ODAM: variants seen among roughly 807,000 people sequenced by gnomAD.
The protein encoded by ODAM is odontogenic ameloblast-associated protein.
In ODAM, 55 loss-of-function variants were observed where a neutral mutation model predicts 48.5. That is an observed-to-expected ratio of 1.13 (90% confidence interval 0.91 to 1.42). The LOEUF (loss-of-function observed/expected upper bound fraction) is 1.42, where lower values mean the gene tolerates loss of function less well. Among genes scored for constraint, ODAM ranks in the 40% most tolerant of loss-of-function variants. The pLI, the probability that ODAM is intolerant of heterozygous loss-of-function variation, is 0.00. For missense variants in ODAM, 353 were observed against 323.6 expected (o/e 1.09, Z -0.70); for synonymous variants, 127 against 107.8 (o/e 1.18, Z -1.10).
chr4:70,197,824 T>C lies in ODAM; in HGVS notation c.142-100T>C, dbSNP rs1729404904. On this transcript the variant is annotated intron_variant, in intron 4 of 11. Coordinates refer to ENST00000683306, the MANE Select transcript of ODAM (RefSeq NM_017855.4). ...TTTTTATGTTGCAACATTGGAACTA[T>C]AGAAATTGTTTGTATTTTGCCTCTT... 6 of 841,098 alleles carry C rather than the reference T, an allele frequency of 7.1e-6. No individual in the cohort carries two copies. The East Asian group carries it at 1.0e-4, about 14-fold the overall frequency. 52.1% of individuals were successfully genotyped at this position (841,098 alleles called of 1,614,324 possible). A position where few individuals can be genotyped will look rare whatever the true frequency, so the allele number is the denominator to read the frequency against.
At chr4:70,201,317 A>T in intron 7 of ODAM, 137 bp from the exon 8 acceptor site, 1 of 509,550 alleles carries the variant, frequency 2.0e-6, no homozygotes, top group South Asian at 3.1e-5. Context: ...ATTAATTTTT[A>T]GTTACTGGAA....
rs2671465 is a variant in ODAM, at chr4:70,203,951, G to A, written c.*30-224G>A. On this transcript the variant is annotated intron_variant, in intron 11 of 11. Coordinates refer to ENST00000683306, the MANE Select transcript of ODAM (RefSeq NM_017855.4). ...AGTGAACAGTAATAATACCTCTTTA[G>A]GAAAGCCTCCTTACTAATGTACTAT... 7.9e-5 allele frequency among the ~76,000 whole-genome samples: 12 copies of A among 151,832 alleles called. No individual in the cohort carries two copies. In the East Asian group the frequency reaches 2.3e-3, roughly 29 times the overall value.
At chr4:70,199,309 C>T (rs1729447559) in intron 6 of ODAM, among the ~76,000 whole-genome samples, 1 of 151,906 alleles carries the variant, frequency 6.6e-6, no homozygotes, top group Admixed American at 6.6e-5. Context: ...AGAATATTGG[C>T]CTTTTCATAA....
rs1205372528 is a variant in ODAM, at chr4:70,204,256, GAAATATCTTGACTCTTCTCCT to G, written c.*116_*136del. 6.6e-6 allele frequency: 1 copy of G among 151,882 alleles called. No individual in the cohort carries two copies. The highest frequency in any genetic ancestry group is 1.5e-5 in the Non-Finnish European group (1 of 67,954). The allele number at this position is 151,882 out of a possible 1,614,324, so 9.4% of individuals were successfully genotyped here. ...CTAGTATCAGTTCTTTGGAATACAT[GAAATATCTTGACTCTTCTCCT>G]AAATTTGTTTTTACTTATACATGTT... On this transcript the variant is annotated 3_prime_UTR_variant, in exon 12 of 12. Coordinates refer to ENST00000683306, the MANE Select transcript of ODAM (RefSeq NM_017855.4).
chr4:70,196,945 C>T (rs575100805), intron 3 of ODAM, among the ~76,000 whole-genome samples: 5 of 152,014 alleles, frequency 3.3e-5, no homozygotes, highest in Non-Finnish European at 5.9e-5. Flanking sequence ...TCTTCAAAGG[C>T]GGATACAATA....
In ODAM at chr4:70,202,895, C is replaced by A. The variant is rs927313202; in HGVS notation, c.788C>A (p.Thr263Asn). The change falls in exon 10 of 12, where the codon ACC (threonine) becomes AAC (asparagine). Residue 263 changes from threonine to asparagine, a missense_variant. Thr to Asn is a moderately conservative substitution (Grantham distance 65). Transcript: ENST00000683306. ...VFTSAVDQTI[T>N]PELPEEKDKT... ...ACTTCTGCTGTAGACCAAACTATTACCCCAGAGCTCCCAGAAGAGAAGGTA... is the reference window on the plus strand; with the variant it reads ...ACTTCTGCTGTAGACCAAACTATTAACCCAGAGCTCCCAGAAGAGAAGGTA... 5.0e-6 allele frequency: 8 copies of A among 1,610,558 alleles called. No homozygotes were observed. The African/African-American group carries it at 5.4e-5, about 11-fold the overall frequency.
intron 10 of ODAM, 118 bp from the exon 11 acceptor site, chr4:70,203,038 A>C (rs1442508785): frequency 2.0e-5 from 26 of 1,300,910 alleles, no homozygotes; most frequent in African/African-American, 3.0e-5. Flanking sequence ...CTAATGAAAA[A>C]TATGTGGTCT....
intron 9 of ODAM, 90 bp downstream of exon 9, chr4:70,202,419 G>T (rs1729520196): frequency 4.8e-6 from 5 of 1,051,110 alleles, no homozygotes; most frequent in Non-Finnish European, 7.3e-6. Flanking sequence ...CAACTCTGTT[G>T]TAATTCCATC....
chr4:70,200,823 A>G (rs1729479659), intron 7 of ODAM, among the ~76,000 whole-genome samples: 1 of 152,016 alleles, frequency 6.6e-6, no homozygotes, highest in African/African-American at 2.4e-5. Context: ...CAATGAAATC[A>G]GTAAGTGGAC....
In ODAM at chr4:70,202,879, G is replaced by C; in HGVS notation, c.772G>C (p.Val258Leu). ...PSTTNVFTSA[V>L]DQTITPELPE... The stretch of plus-strand genomic sequence containing the variant: ...CACAACCAATGTTTTCACTTCTGCT[G>C]TAGACCAAACTATTACCCCAGAGCT... The change falls in exon 10 of 12, where the codon GTA becomes CTA. Residue 258 changes from valine to leucine, a missense_variant. Coordinates refer to ENST00000683306, the MANE Select transcript of ODAM (RefSeq NM_017855.4). The C allele has an allele frequency of 6.2e-7, 1 of 1,612,246 alleles. No individual in the cohort carries two copies. The highest frequency in any genetic ancestry group is 8.5e-7 in the Non-Finnish European group (1 of 1,178,958).
At position 70,198,131 on chromosome 4, in the gene ODAM, C is replaced by CCCCAGACACAA; in HGVS notation, c.350_351insCCAGACACAAC (p.Pro121LeufsTer10). ...TGATCCCTTACAGCTTCAAACACCG[C>CCCCAGACACAA]CTCAGACACAACCAGGCCCCAGTCA... is the stretch of plus-strand genomic sequence containing the variant. On this transcript the variant is annotated frameshift_variant, in exon 5 of 12. Transcript: ENST00000683306. LOFTEE classifies it high-confidence loss of function. 1.2e-6 allele frequency: 2 copies of CCCCAGACACAA among 1,613,142 alleles called. No individual in the cohort carries two copies. Among genetic ancestry groups the CCCCAGACACAA allele is most frequent in the Non-Finnish European group, 1.7e-6 (2 of 1,179,474 alleles).
intron 11 of ODAM, 147 bp from the exon 12 acceptor site, chr4:70,204,028 G>A (rs937805657): frequency 6.6e-6 from 1 of 151,918 alleles, no homozygotes; most frequent in Non-Finnish European, 1.5e-5. Flanking sequence ...AGAGATTTCA[G>A]TATTTTTATG....
chr4:70,198,627 G>A lies in ODAM; in HGVS notation c.423+1G>A. On this transcript the variant is annotated splice_donor_variant, in intron 6 of 11. Transcript: ENST00000683306. LOFTEE classifies it high-confidence loss of function. ...CAAAATGCCTCAAGAGCAAGGACAG[G>A]TAAATGGATATAACAACACTGCCCA... is the stretch of plus-strand genomic sequence containing the variant. The A allele has an allele frequency of 6.2e-7, 1 of 1,604,620 alleles. No homozygotes were observed. Among genetic ancestry groups the A allele is most frequent in the Non-Finnish European group, 8.5e-7 (1 of 1,175,656 alleles).
At chr4:70,201,234 C>T (rs1027024696) in intron 7 of ODAM, among the ~76,000 whole-genome samples, 1 of 151,552 alleles carries the variant, frequency 6.6e-6, no homozygotes, top group African/African-American at 2.4e-5. Flanking sequence ...TGTCATGTTG[C>T]TTTAAAGGGA....
Position 70,198,071 on chromosome 4 carries a change from G to T in ODAM, c.289G>T (p.Ala97Ser). ...LPNQIPLTGE[A>S]SFAQGAQAGQ... ...AAATCAGATACCCTTAACAGGAGAG[G>T]CCAGTTTTGCCCAAGGAGCCCAGGC... Residue 97 changes from alanine to serine, a missense_variant, in exon 5 of 12, where the codon GCC (alanine) becomes TCC (serine). Ala to Ser is a moderately conservative substitution (Grantham distance 99). Transcript: ENST00000683306. 1.2e-6 allele frequency: 2 copies of T among 1,613,284 alleles called. No individual in the cohort carries two copies. The highest frequency in any genetic ancestry group is 1.7e-6 in the Non-Finnish European group (2 of 1,179,536).
Position 70,202,245 on chromosome 4 carries a change from T to C in ODAM, c.577-13T>C, listed in dbSNP as rs759679594. Reference sequence around the variant, plus strand: ...CACTGATTTAGACTTTTTAAAACTTTTTGTGTTTTTAGGCTATATCAGGAG... The same window carrying C: ...CACTGATTTAGACTTTTTAAAACTTCTTGTGTTTTTAGGCTATATCAGGAG... On this transcript the variant is annotated splice_polypyrimidine_tract_variant and intron_variant, in intron 8 of 11. Transcript: ENST00000683306. 6.2e-7 allele frequency: 1 copy of C among 1,607,568 alleles called. No individual in the cohort carries two copies. Among genetic ancestry groups the C allele is most frequent in the Non-Finnish European group, 8.5e-7 (1 of 1,174,888 alleles).
At chr4:70,203,685 TTTA>T (rs1729557420) in intron 11 of ODAM, among the ~76,000 whole-genome samples, 1 of 151,948 alleles carries the variant, frequency 6.6e-6, no homozygotes, top group Non-Finnish European at 1.5e-5. Context: ...AATTACCTGT[TTTA>T]ATCAGCTTGG....
intron 3 of ODAM, 58 bp from the exon 4 acceptor site, chr4:70,197,216 G>C (rs558039402): frequency 4.8e-6 from 4 of 825,808 alleles, no homozygotes; most frequent in Non-Finnish European, 8.4e-6. Context: ...AGTAAACATT[G>C]TTCCTACTCA....
chr4:70,199,560 C>A (rs1729451461), intron 6 of ODAM, among the ~76,000 whole-genome samples: 1 of 151,984 alleles, frequency 6.6e-6, no homozygotes, highest in African/African-American at 2.4e-5. Context: ...TTCTCCACCC[C>A]TTCTGTCTCC....
Sources: gnomAD v4.1 joint callset for allele counts (sites outside exome capture counted in the v4.1 genomes callset) on GRCh38, gnomAD v4.1.1 for gene constraint, MANE v1.5 for transcripts, NCBI Gene and HGNC (gene_info 2026-07-23, HGNC 2026-07-21) for gene names.